SON: variants seen among roughly 807,000 people sequenced by gnomAD.
SON encodes SON DNA and RNA binding protein.
SON carries 4 observed loss-of-function variants against 173.3 expected under a neutral mutation model. The ratio of observed to expected loss-of-function variants is 0.02; its 90% CI spans 0.01 to 0.05. SON has a LOEUF of 0.05. Ranked by LOEUF, SON falls within the 10% of genes least tolerant of loss-of-function variation. SON has a pLI of 1.00. For missense variants in SON, 2,626 were observed against 3,055.3 expected (o/e 0.86, Z 3.31); for synonymous variants, 1,190 against 1,105.9 (o/e 1.08, Z -1.51).
Position 33,551,405 on chromosome 21 carries a change from T to C in SON, c.2174T>C (p.Ile725Thr). ...ILASNTMETHILASNTMDSQM... is the reference protein window; with the variant it reads ...ILASNTMETHTLASNTMDSQM... ...GCTTCTAACACCATGGAGACCCATA[T>C]ATTAGCATCCAACACCATGGACTCC... The change falls in exon 3 of 12, where the codon ATA (isoleucine) becomes ACA (threonine). Residue 725 changes from isoleucine to threonine, a missense_variant. Ile to Thr is a moderately conservative substitution (Grantham distance 89). This residue lies in a region of SON where 182 missense variants were observed against 193.6 expected (regional missense o/e 0.94). Coordinates refer to ENST00000356577, the MANE Select transcript of SON (RefSeq NM_138927.4). 2.5e-6 allele frequency: 4 copies of C among 1,614,154 alleles called. No homozygotes were observed. The highest frequency in any genetic ancestry group is 3.4e-6 in the Non-Finnish European group (4 of 1,179,998).
Position 33,546,304 on chromosome 21 carries a change from C to T in SON, c.169C>T (p.Pro57Ser). 5 of 1,613,544 alleles carry T rather than the reference C, an allele frequency of 3.1e-6. No individual in the cohort carries two copies. Among genetic ancestry groups the T allele is most frequent in the Non-Finnish European group, 4.2e-6 (5 of 1,179,716 alleles). The change falls in exon 2 of 12, where the codon CCA (proline) becomes TCA (serine). Residue 57 changes from proline (P) to serine (S), a missense_variant. By Grantham distance (74) the Pro-to-Ser change is moderately conservative. Transcript: ENST00000356577. ...TGCAGCTGCCTCTGCCAGGAGTCTA[C>T]CAAATGAAGAAATAGTGCAGAAGAT... is the stretch of plus-strand genomic sequence containing the variant. ...GDAAASARSL[P>S]NEEIVQKIEE...
At chr21:33,560,450 A>AT (rs1325529590) in intron 6 of SON, 22 of 1,067,326 alleles carry the variant, frequency 2.1e-5, no homozygotes, top group Non-Finnish European at 2.4e-5. Flanking sequence ...AAACGTTGAA[A>AT]TTTCCACGGG....
At chr21:33,572,809 ATATT>A (rs1211755101) in intron 8 of SON, among the ~76,000 whole-genome samples, 1 of 151,500 alleles carries the variant, frequency 6.6e-6, no homozygotes, top group Non-Finnish European at 1.5e-5. Flanking sequence ...TCTAAGTAAA[ATATT>A]TATACTTGCT....
Position 33,576,848 on chromosome 21 carries a change from TTAAA to T in SON, c.*428_*431del, listed in dbSNP as rs1239465864. 2 of 318,788 alleles carry T rather than the reference TTAAA, an allele frequency of 6.3e-6. No individual in the cohort carries two copies. Among genetic ancestry groups the T allele is most frequent in the African/African-American group, 2.1e-5 (1 of 46,572 alleles). The allele number at this position is 318,788 out of a possible 1,614,324, so 19.7% of individuals were successfully genotyped here. On this transcript the variant is annotated 3_prime_UTR_variant, in exon 12 of 12. Coordinates refer to ENST00000356577, the MANE Select transcript of SON (RefSeq NM_138927.4). ...TCAGAGTAATCTTCAGTGTGGAATG[TTAAA>T]TAACGCTTTTATACTGTATTTTGTA...
chr21:33,562,519 A>G (rs1238235007), intron 6 of SON, among the ~76,000 whole-genome samples: 2 of 152,164 alleles, frequency 1.3e-5, no homozygotes, highest in Admixed American at 6.5e-5. Context: ...AATCCCACCA[A>G]TTGTCTTGCA....
At position 33,559,613 on chromosome 21, in the gene SON, A is replaced by G. The variant is rs960787772; in HGVS notation, c.6495A>G (p.Pro2165=). The G allele has an allele frequency of 6.2e-7, 1 of 1,610,726 alleles. No homozygotes were observed. The highest frequency in any genetic ancestry group is 8.5e-7 in the Non-Finnish European group (1 of 1,179,120). ...TTGCTGCAGCAAAACCAACTCCACC[A>G]AAAAGCCAGGTAACATTAACAAAAG... ...LNIAAAKPTP[P]KSQVTLTKEF... Residue 2165 remains proline (P), a synonymous_variant, in exon 6 of 12, where the codon CCA becomes CCG. Coordinates refer to ENST00000356577, the MANE Select transcript of SON (RefSeq NM_138927.4). This position sits in a 1 kb window ranked among gnomAD's most constrained non-coding sequence, Gnocchi z 4.1.
rs758179842 is a variant in SON, at chr21:33,550,350, G to A, written c.1119G>A (p.Gln373=). The change falls in exon 3 of 12, where the codon CAG becomes CAA. Residue 373 remains glutamine (Q), a synonymous_variant. Coordinates refer to ENST00000356577, the MANE Select transcript of SON (RefSeq NM_138927.4). ...CTAAGACCACAGCGTTGGAGCTGCA[G>A]GAGTCGTCGGTGGCCTCAGCGATGG... is the stretch of plus-strand genomic sequence containing the variant. ...ELPKTTALEL[Q]ESSVASAMEL... 3.6e-5 allele frequency: 58 copies of A among 1,614,036 alleles called. No individual in the cohort carries two copies. The highest frequency in any genetic ancestry group is 1.3e-5 in the Non-Finnish European group (15 of 1,180,048).
chr21:33,551,419 A>G lies in SON; in HGVS notation c.2188A>G (p.Thr730Ala). ...GGAGACCCATATATTAGCATCCAAC[A>G]CCATGGACTCCCAAATGCTAGCGTC... Reference protein sequence around the residue: ...TMETHILASNTMDSQMLASNT... With the variant: ...TMETHILASNAMDSQMLASNT... Residue 730 changes from threonine to alanine, a missense_variant, in exon 3 of 12, where the codon ACC (threonine) becomes GCC (alanine). Around this residue, in one of 13 missense-constraint regions of SON, gnomAD observed 182 missense variants for 193.6 expected, o/e 0.94. Coordinates refer to ENST00000356577, the MANE Select transcript of SON (RefSeq NM_138927.4). 1 of 1,614,062 alleles carries G rather than the reference A, an allele frequency of 6.2e-7. No individual in the cohort carries two copies. Among genetic ancestry groups the G allele is most frequent in the Non-Finnish European group, 8.5e-7 (1 of 1,179,968 alleles).
Position 33,559,439 on chromosome 21 carries a change from C to A in SON, c.6468+63C>A. On this transcript the variant is annotated intron_variant, in intron 5 of 11. Transcript: ENST00000356577. This position sits in a 1 kb window ranked among gnomAD's most constrained non-coding sequence, Gnocchi z 4.1. ...ACTTGTGGAACTATTTAAATAAAAC[C>A]CAAATCGAATTTAGTTTATTAATTT... 2.0e-6 allele frequency: 3 copies of A among 1,512,676 alleles called. No homozygotes were observed. Among genetic ancestry groups the A allele is most frequent in the African/African-American group, 1.4e-5 (1 of 71,244 alleles). 93.7% of individuals were successfully genotyped at this position (1,512,676 alleles called of 1,614,324 possible). A position where few individuals can be genotyped will look rare whatever the true frequency, so the allele number is the denominator to read the frequency against.
intron 6 of SON, among the ~76,000 whole-genome samples, chr21:33,564,029 A>T (rs1185959102): frequency 6.6e-6 from 1 of 152,190 alleles, no homozygotes; most frequent in Non-Finnish European, 1.5e-5. Flanking sequence ...TTATTTTTAT[A>T]CACTAGGTAA....
intron 6 of SON, among the ~76,000 whole-genome samples, chr21:33,561,317 G>A (rs1445424692): frequency 1.3e-5 from 2 of 152,036 alleles, no homozygotes; most frequent in Admixed American, 1.3e-4. Flanking sequence ...GACATGTGCA[G>A]CTGACTTAAT....
rs2145815906 is a variant in SON at position 33,549,994 on chromosome 21, C to G, written c.763C>G (p.Leu255Val). Reference protein sequence around the residue: ...FAAAPVPTTTLVLKSSEPVVT... With the variant: ...FAAAPVPTTTVVLKSSEPVVT... The stretch of plus-strand genomic sequence containing the variant: ...AGCAGCACCAGTGCCTACTACAACA[C>G]TGGTGTTGAAGTCATCTGAGCCAGT... The change falls in exon 3 of 12, where the codon CTG (leucine) becomes GTG (valine). Residue 255 changes from leucine to valine, a missense_variant. Physicochemically the swap from Leu to Val is conservative, Grantham distance 32. This residue lies in a region of SON where 757 missense variants were observed against 730.1 expected (regional missense o/e 1.04). Coordinates refer to ENST00000356577, the MANE Select transcript of SON (RefSeq NM_138927.4). 1.9e-6 allele frequency: 3 copies of G among 1,614,154 alleles called. No homozygotes were observed. Among genetic ancestry groups the G allele is most frequent in the Non-Finnish European group, 2.5e-6 (3 of 1,180,042 alleles).
chr21:33,548,298 A>C (rs150484746), intron 2 of SON, among the ~76,000 whole-genome samples: 2,081 of 151,840 alleles, frequency 0.014, 50 homozygotes, highest in African/African-American at 0.048. Flanking sequence ...GGAAAATGTT[A>C]TCTCTTTAGG....
intron 2 of SON, among the ~76,000 whole-genome samples, chr21:33,547,875 C>T (rs142287302): frequency 0.011 from 1,254 of 117,348 alleles, 20 homozygotes; most frequent in African/African-American, 0.041. Flanking sequence ...CCACCACGCC[C>T]GGCTAATTTT....
chr21:33,543,562 C>T (rs936117539), intron 1 of SON: 5 of 258,692 alleles, frequency 1.9e-5, no homozygotes, highest in Non-Finnish European at 3.8e-5. Context: ...CGGATTTTGC[C>T]GGCCGGTGCC....
rs1359293134 is a variant in SON, at chr21:33,550,093, A to G, written c.862A>G (p.Lys288Glu). ...GGAGAGCACATCTCCAGAGCCATCA[A>G]AGATCATGTTGGTAGAGCCCCCAGT... Reference protein sequence around the residue: ...SVESTSPEPSKIMLVEPPVAK... With the variant: ...SVESTSPEPSEIMLVEPPVAK... The change falls in exon 3 of 12, where the codon AAG becomes GAG. Residue 288 changes from lysine (K) to glutamate (E), a missense_variant. Lys to Glu is a moderately conservative substitution (Grantham distance 56). Coordinates refer to ENST00000356577, the MANE Select transcript of SON (RefSeq NM_138927.4). The G allele has an allele frequency of 6.2e-7, 1 of 1,614,170 alleles. No homozygotes were observed. Among genetic ancestry groups the G allele is most frequent in the Non-Finnish European group, 8.5e-7 (1 of 1,180,050 alleles).
chr21:33,551,145 G>A lies in SON; in HGVS notation c.1914G>A (p.Ala638=), dbSNP rs775353389. The change falls in exon 3 of 12, where the codon GCG becomes GCA. Residue 638 remains alanine (A), a synonymous_variant. Transcript: ENST00000356577. The part of the protein sequence containing the change: ...GVLELPGQPG[A]PELPGQPVAT... ...TGGAGTTGCCAGGGCAGCCTGGGGC[G>A]CCAGAGTTGCCTGGGCAGCCTGTGG... The A allele has an allele frequency of 1.1e-5, 18 of 1,613,104 alleles. No individual in the cohort carries two copies. Among genetic ancestry groups the A allele is most frequent in the African/African-American group, 4.0e-5 (3 of 74,812 alleles).
chr21:33,573,820 T>G (rs2086340532), intron 9 of SON, among the ~76,000 whole-genome samples: 1 of 152,374 alleles, frequency 6.6e-6, no homozygotes, highest in East Asian at 1.9e-4. Flanking sequence ...GAGTTTAGTT[T>G]ATTTTTTGTT....
In SON at chr21:33,543,058, T is replaced by C. The variant is rs762277119; in HGVS notation, c.-35T>C. ...GAGGCATGCTGGGAGCCTGGAGGAC[T>C]AGCGAGGAGGAGTTGAGAGAACGGA... On this transcript the variant is annotated 5_prime_UTR_variant, in exon 1 of 12. Coordinates refer to ENST00000356577, the MANE Select transcript of SON (RefSeq NM_138927.4). 4 of 1,605,544 alleles carry C rather than the reference T, an allele frequency of 2.5e-6. No individual in the cohort carries two copies. The highest frequency in any genetic ancestry group is 1.7e-6 in the Non-Finnish European group (2 of 1,172,168).
Sources: gnomAD v4.1 joint callset for allele counts (sites outside exome capture counted in the v4.1 genomes callset) on GRCh38, gnomAD v4.1.1 for gene constraint, gnomAD v4.1.1 regional missense constraint, Gnocchi (gnomAD v3.1) non-coding constraint, MANE v1.5 for transcripts, NCBI Gene and HGNC (gene_info 2026-07-23, HGNC 2026-07-21) for gene names.